ROR1: variants seen among roughly 807,000 people sequenced by gnomAD.
ROR1 encodes the protein inactive tyrosine-protein kinase transmembrane receptor ROR1.
Under a neutral mutation model 78.8 loss-of-function variants are expected in ROR1, and 19 were observed. The observed-to-expected ratio is 0.24, with a 90% CI of 0.17 to 0.35. The LOEUF (loss-of-function observed/expected upper bound fraction) is 0.35, where lower values mean the gene tolerates loss of function less well. ROR1 is among the 10% of genes least tolerant of loss of function. The pLI is 1.00. For missense variants in ROR1, 917 were observed against 1,177.8 expected, an observed-to-expected ratio of 0.78 and a Z score of 3.24; for synonymous variants, 386 against 433.6, an observed-to-expected ratio of 0.89 and a Z score of 1.36.
At chr1:63,932,253 T>C (rs1478166979) in intron 1 of ROR1, among the ~76,000 whole-genome samples, 1 of 151,930 alleles carries the variant, frequency 6.6e-6, no homozygotes, top group African/African-American at 2.4e-5. Flanking sequence ...GCAGGGGTGA[T>C]AGATAGGATT....
chr1:64,170,628 C>T (rs896330888), intron 8 of ROR1, among the ~76,000 whole-genome samples: 2 of 152,154 alleles, frequency 1.3e-5, no homozygotes, highest in Middle Eastern at 6.3e-3. Context: ...TTGAATTTCT[C>T]CTCAAAAAAT....
At position 64,102,213 on chromosome 1, in the gene ROR1, T is replaced by TAGCTGTTAAACAAGA. The variant is rs1296719451; in HGVS notation, c.483-35153_483-35152insTGTTAAACAAGAAGC. 2.6e-5 allele frequency among the ~76,000 whole-genome samples: 4 copies of TAGCTGTTAAACAAGA among 152,304 alleles called. No homozygotes were observed. The East Asian group carries it at 5.8e-4, about 22-fold the overall frequency. The stretch of plus-strand genomic sequence containing the variant: ...TCCTGTTTGTTTTAACAGCTCCGCT[T>TAGCTGTTAAACAAGA]AGCAGCACCACAAGAAGGAGCGTGG... On this transcript the variant is annotated intron_variant, in intron 4 of 8. Coordinates refer to ENST00000371079, the MANE Select transcript of ROR1 (RefSeq NM_005012.4).
chr1:64,073,078 A>G (rs193289936), intron 4 of ROR1, among the ~76,000 whole-genome samples: 13 of 152,288 alleles, frequency 8.5e-5, no homozygotes, highest in African/African-American at 3.1e-4. Flanking sequence ...TCTCTCACCT[A>G]TGCAGAAGCA....
intron 2 of ROR1, among the ~76,000 whole-genome samples, chr1:64,012,091 A>T (rs1646480144): frequency 6.6e-6 from 1 of 152,214 alleles, no homozygotes; most frequent in Non-Finnish European, 1.5e-5. Context: ...GAAATGAAGA[A>T]CAAGTTCAAT....
At chr1:63,903,734 A>G (rs930245051) in intron 1 of ROR1, among the ~76,000 whole-genome samples, 6 of 151,866 alleles carry the variant, frequency 4.0e-5, no homozygotes, top group Non-Finnish European at 5.9e-5. Context: ...ATAACTATAT[A>G]TATCTATATA....
intron 7 of ROR1, among the ~76,000 whole-genome samples, chr1:64,144,779 GA>G (rs1649430992): frequency 6.6e-6 from 1 of 152,118 alleles, no homozygotes. Context: ...AGAGCAAAAT[GA>G]ATCTGCTTAA....
intron 8 of ROR1, among the ~76,000 whole-genome samples, chr1:64,172,216 C>G (rs944582138): frequency 6.6e-6 from 1 of 152,192 alleles, no homozygotes; most frequent in Non-Finnish European, 1.5e-5. Flanking sequence ...CTCTTATCAG[C>G]AGTTTAGAAA....
intron 1 of ROR1, among the ~76,000 whole-genome samples, chr1:63,865,776 G>T (rs1195703889): frequency 1.3e-5 from 2 of 152,168 alleles, no homozygotes; most frequent in African/African-American, 4.8e-5. Context: ...TATTGGATTT[G>T]ATTGTACATA....
intron 1 of ROR1, among the ~76,000 whole-genome samples, chr1:63,783,291 AAT>A (rs1032222214): frequency 9.9e-5 from 15 of 152,258 alleles, no homozygotes; most frequent in African/African-American, 3.6e-4. Flanking sequence ...GGGAGTTAAA[AAT>A]GTTGTGCATT....
rs556916621 is a variant in ROR1 at position 64,037,058 on chromosome 1, T to C, written c.164-12633T>C. ...TGGTGGCCTCAGGGTAACTGGTGAC[T>C]GAAGGCTCCCAGAGGGATTGCCTCA... On this transcript the variant is annotated intron_variant, in intron 2 of 8. Transcript: ENST00000371079. Among the ~76,000 whole-genome samples the C allele has an allele frequency of 2.6e-5, 4 of 152,334 alleles. No individual in the cohort carries two copies. The South Asian group carries it at 8.3e-4, about 32-fold the overall frequency.
intron 1 of ROR1, among the ~76,000 whole-genome samples, chr1:63,994,058 T>G (rs1646317234): frequency 6.6e-6 from 1 of 152,170 alleles, no homozygotes; most frequent in Non-Finnish European, 1.5e-5. Context: ...TGGGGAGAAA[T>G]AACATCTCAT....
chr1:64,051,457 A>AAAAAAAAAAATAAAAT (rs1359777733), intron 4 of ROR1, among the ~76,000 whole-genome samples: 1 of 76,650 alleles, frequency 1.3e-5, no homozygotes, highest in African/African-American at 3.1e-5. Context: ...CTCAAAAATA[A>AAAAAAAAAAATAAAAT]AAAATAAAAT....
At chr1:63,900,632 T>C (rs936190087) in intron 1 of ROR1, among the ~76,000 whole-genome samples, 1 of 152,054 alleles carries the variant, frequency 6.6e-6, no homozygotes, top group Non-Finnish European at 1.5e-5. Flanking sequence ...TTACCATTTT[T>C]CTTACATTAA....
intron 1 of ROR1, among the ~76,000 whole-genome samples, chr1:63,943,879 C>G (rs1271254459): frequency 1.3e-5 from 2 of 152,188 alleles, no homozygotes; most frequent in Non-Finnish European, 2.9e-5. Flanking sequence ...GACATAATCA[C>G]TGTAAATACC....
At chr1:63,908,929 T>A (rs1237716111) in intron 1 of ROR1, among the ~76,000 whole-genome samples, 1 of 152,188 alleles carries the variant, frequency 6.6e-6, no homozygotes, top group Non-Finnish European at 1.5e-5. Flanking sequence ...CCTCCATAGC[T>A]ACTGATACAA....
chr1:64,070,396 A>G (rs1055045152), intron 4 of ROR1, among the ~76,000 whole-genome samples: 5 of 152,126 alleles, frequency 3.3e-5, no homozygotes, highest in Admixed American at 2.0e-4. Context: ...TGGTGCAATC[A>G]TGGCTTACTG....
intron 4 of ROR1, among the ~76,000 whole-genome samples, chr1:64,080,549 C>T (rs1158981941): frequency 2.0e-5 from 3 of 152,212 alleles, no homozygotes; most frequent in South Asian, 2.1e-4. Context: ...CCACCCATCC[C>T]GTTCTTCATG....
At chr1:64,162,052 A>T (rs944817676) in intron 8 of ROR1, among the ~76,000 whole-genome samples, 1 of 152,242 alleles carries the variant, frequency 6.6e-6, no homozygotes, top group East Asian at 1.9e-4. Flanking sequence ...CATAAGAAAG[A>T]AACAAAGAAA....
Position 64,178,321 on chromosome 1 carries a change from T to C in ROR1, c.2280T>C (p.Thr760=), listed in dbSNP as rs1650447934. 6.2e-7 allele frequency: 1 copy of C among 1,613,988 alleles called. No homozygotes were observed. The highest frequency in any genetic ancestry group is 1.1e-5 in the South Asian group (1 of 91,088). Residue 760 remains threonine (T), a synonymous_variant, in exon 9 of 9, where the codon ACT becomes ACC. Transcript: ENST00000371079. The surrounding 1 kb of genome is among the most constrained non-coding windows in gnomAD (Gnocchi z 4.3). ...TCTCAAGTCACACAAGCTCTACTAC[T>C]CCTTCAGGGGGAAATGCCACCACAC... is the stretch of plus-strand genomic sequence containing the variant. ...EGLSSHTSST[T]PSGGNATTQT... is the part of the protein sequence containing the mutation.
Sources: gnomAD v4.1 joint callset for allele counts (sites outside exome capture counted in the v4.1 genomes callset) on GRCh38, gnomAD v4.1.1 for gene constraint, Gnocchi (gnomAD v3.1) non-coding constraint, MANE v1.5 for transcripts, NCBI Gene and HGNC (gene_info 2026-07-23, HGNC 2026-07-21) for gene names.